The following NUP214 variants were observed in gnomAD, a reference collection of about 807,000 sequenced individuals.
NUP214 encodes nucleoporin 214, also known as nuclear pore complex protein Nup214.
NUP214 carries 79 observed loss-of-function variants against 196.2 expected under a neutral mutation model. That is an observed-to-expected ratio of 0.40 (90% CI 0.34 to 0.49). The LOEUF (loss-of-function observed/expected upper bound fraction) is 0.49. Among genes scored for constraint, NUP214 ranks in the 20% least tolerant of loss-of-function variants. The probability of loss-of-function intolerance (pLI) is 0.58; values close to 1 mark genes in which losing one functional copy is unlikely to be tolerated. For synonymous variants in NUP214, 1,020 were observed against 990.5 expected (o/e 1.03, Z -0.56); for missense variants, 2,468 against 2,539.0 (o/e 0.97, Z 0.60).
chr9:131,233,270 A>T (rs1016336651), intron 35 of NUP214, among the ~76,000 whole-genome samples, 184 bp from the exon 36 acceptor site: 1 of 152,134 alleles, frequency 6.6e-6, no homozygotes, highest in Non-Finnish European at 1.5e-5. Context: ...CGAGAGACAG[A>T]GGTTGCAGTG....
chr9:131,174,510 G>A lies in NUP214; in HGVS notation c.3157+192G>A, dbSNP rs193021629. ...GTTGCCCAGGCTGGAGTGTAATGGC[G>A]CGATCTAGGCTCACTGCAACATCCA... On this transcript the variant is annotated intron_variant, in intron 22 of 35. Coordinates refer to ENST00000359428, the MANE Select transcript of NUP214 (RefSeq NM_005085.4). 2.7e-3 allele frequency among the ~76,000 whole-genome samples: 374 copies of A among 139,280 alleles called. 4 individuals carry two copies. Among genetic ancestry groups the A allele is most frequent in the African/African-American group, 8.7e-3 (327 of 37,690 alleles). The allele number at this position is 139,280 out of a possible 152,430, so 91.4% of individuals were successfully genotyped here.
At position 131,197,794 on chromosome 9, in the gene NUP214, G is replaced by T. The variant is rs1252046381; in HGVS notation, c.4300G>T (p.Ala1434Ser). 4.3e-6 allele frequency: 7 copies of T among 1,613,974 alleles called. No homozygotes were observed. The highest frequency in any genetic ancestry group is 5.9e-6 in the Non-Finnish European group (7 of 1,180,040). Residue 1434 changes from alanine (A) to serine (S), a missense_variant, in exon 29 of 36, where the codon GCT becomes TCT. By Grantham distance (99) the Ala-to-Ser change is moderately conservative (BLOSUM62 1). Around this residue, in one of 5 missense-constraint regions of NUP214, gnomAD observed 1,801 missense variants for 1,779.4 expected, o/e 1.01. Coordinates refer to ENST00000359428, the MANE Select transcript of NUP214 (RefSeq NM_005085.4). ...CAGTTTTGGTGGGACATCTCTAAGT[G>T]CTGGCAAGACTAGTTTTTCATTTGG... The part of the protein sequence containing the change: ...VISFGGTSLS[A>S]GKTSFSFGSQ...
intron 26 of NUP214, among the ~76,000 whole-genome samples, chr9:131,189,653 TCTC>T (rs1383299311): frequency 6.6e-6 from 1 of 152,192 alleles, no homozygotes; most frequent in Non-Finnish European, 1.5e-5. Flanking sequence ...TCACGTAACT[TCTC>T]CTACACTCAC....
Position 131,197,369 on chromosome 9 carries a change from G to A in NUP214, c.3875G>A (p.Ser1292Asn), listed in dbSNP as rs753621638. ...ACCCCAGGAGAACCTGCCGCATCTA[G>A]CAGCAGACCTGTGGCACCTTCTGGA... ...NTTPGEPAAS[S>N]SRPVAPSGTA... The change falls in exon 29 of 36, where the codon AGC (serine) becomes AAC (asparagine). Residue 1292 changes from serine to asparagine, a missense_variant. Ser to Asn is a conservative substitution (Grantham distance 46, BLOSUM62 1). Transcript: ENST00000359428. 5 of 1,614,056 alleles carry A rather than the reference G, an allele frequency of 3.1e-6. No homozygotes were observed. In the East Asian group the frequency reaches 1.1e-4, roughly 36 times the overall value.
chr9:131,227,985 C>CGGGGG (rs369758441), intron 32 of NUP214, among the ~76,000 whole-genome samples, 175 bp from the exon 33 acceptor site: 6 of 13,278 alleles, frequency 4.5e-4, no homozygotes, highest in South Asian at 4.6e-3. Flanking sequence ...GATAGAAGGG[C>CGGGGG]GGGGGGGAGG....
chr9:131,196,472 G>A (rs749162396), intron 28 of NUP214, among the ~76,000 whole-genome samples: 2 of 152,136 alleles, frequency 1.3e-5, no homozygotes, highest in African/African-American at 4.8e-5. Flanking sequence ...CGTTACTCTT[G>A]TATTTATTAA....
At chr9:131,165,955 G>T (rs1413930591) in intron 21 of NUP214, among the ~76,000 whole-genome samples, 1 of 152,106 alleles carries the variant, frequency 6.6e-6, no homozygotes, top group African/African-American at 2.4e-5. Context: ...GGACTGAGGT[G>T]GGGGGTCATG....
At chr9:131,223,441 A>G (rs1834619559) in intron 32 of NUP214, among the ~76,000 whole-genome samples, 1 of 152,154 alleles carries the variant, frequency 6.6e-6, no homozygotes, top group African/African-American at 2.4e-5. Context: ...CTGGGACTAC[A>G]GGCATGAGCC....
At chr9:131,215,665 C>A (rs1309753282) in intron 31 of NUP214, among the ~76,000 whole-genome samples, 1 of 152,018 alleles carries the variant, frequency 6.6e-6, no homozygotes, top group Admixed American at 6.6e-5. Flanking sequence ...ATTGGAGTGA[C>A]TTGAAGTGAA....
intron 9 of NUP214, among the ~76,000 whole-genome samples, chr9:131,138,886 A>G (rs1831821046): frequency 1.3e-5 from 2 of 152,320 alleles, no homozygotes; most frequent in South Asian, 4.1e-4. Context: ...CCTGGCCCCA[A>G]TCCAAAATGT....
In NUP214 at chr9:131,183,137, T is replaced by C. The variant is rs192457075; in HGVS notation, c.3420-4152T>C. ...TCTTCTTCTGTCGCCAAGGCTGGAG[T>C]GCAGTGGTGCGATTTCAGCTCACTG... On this transcript the variant is annotated intron_variant, in intron 24 of 35. Coordinates refer to ENST00000359428, the MANE Select transcript of NUP214 (RefSeq NM_005085.4). 2.4e-3 allele frequency among the ~76,000 whole-genome samples: 359 copies of C among 152,324 alleles called. 4 individuals are homozygous for C. Among genetic ancestry groups the C allele is most frequent in the African/African-American group, 8.3e-3 (345 of 41,586 alleles).
chr9:131,139,368 G>A lies in NUP214; in HGVS notation c.1093G>A (p.Val365Ile), dbSNP rs1831840368. 3 of 1,604,940 alleles carry A rather than the reference G, an allele frequency of 1.9e-6. No individual in the cohort carries two copies. The highest frequency in any genetic ancestry group is 2.6e-6 in the Non-Finnish European group (3 of 1,176,226). ...DKSDDSLPMG[V>I]VVDYTNQVEI... ...GAGTGATGACTCCTTGCCCATGGGA[G>A]TTGTCGTAGACTATACAAACCAAGT... The change falls in exon 10 of 36, where the codon GTT becomes ATT. Residue 365 changes from valine to isoleucine, a missense_variant. Val to Ile is a conservative substitution (Grantham distance 29, BLOSUM62 3). Around this residue, in one of 5 missense-constraint regions of NUP214, gnomAD observed 1,801 missense variants for 1,779.4 expected, o/e 1.01. Coordinates refer to ENST00000359428, the MANE Select transcript of NUP214 (RefSeq NM_005085.4).
chr9:131,228,482 C>T (rs986058009), intron 33 of NUP214, 151 bp downstream of exon 33: 1 of 671,452 alleles, frequency 1.5e-6, no homozygotes, highest in African/African-American at 1.9e-5. Flanking sequence ...TCCTGTACCT[C>T]TCCAGGGTAA....
intron 3 of NUP214, among the ~76,000 whole-genome samples, chr9:131,129,002 TCTATTGTCTG>T (rs1831447742): frequency 6.6e-6 from 1 of 152,218 alleles, no homozygotes; most frequent in South Asian, 2.1e-4. Context: ...AAGATTTTAA[TCTATTGTCTG>T]CTATTTATTG....
chr9:131,137,699 G>A (rs372291196), intron 9 of NUP214, among the ~76,000 whole-genome samples: 33 of 151,970 alleles, frequency 2.2e-4, no homozygotes, highest in African/African-American at 7.2e-4. Flanking sequence ...GTAGGCATGC[G>A]CCAACACGCC....
At chr9:131,147,359 AAAAT>A in intron 13 of NUP214, 127 bp from the exon 14 acceptor site, 1 of 688,190 alleles carries the variant, frequency 1.5e-6, no homozygotes, top group Non-Finnish European at 2.5e-6. Flanking sequence ...ATCACTCTTT[AAAAT>A]AAATCATGAA....
intron 23 of NUP214, 55 bp from the exon 24 acceptor site, chr9:131,178,256 C>A: frequency 7.0e-7 from 1 of 1,427,418 alleles, no homozygotes; most frequent in Admixed American, 1.7e-5. Flanking sequence ...GTGGCTAGAA[C>A]TTTTTATCCT....
intron 14 of NUP214, among the ~76,000 whole-genome samples, chr9:131,148,799 C>G (rs1240066881): frequency 2.0e-5 from 3 of 152,168 alleles, no homozygotes; most frequent in Non-Finnish European, 4.4e-5. Context: ...CACACACGCA[C>G]ACACATACAG....
chr9:131,197,605 G>C lies in NUP214; in HGVS notation c.4111G>C (p.Gly1371Arg), dbSNP rs1304604870. The C allele has an allele frequency of 6.2e-6, 10 of 1,614,040 alleles. No individual in the cohort carries two copies. Among genetic ancestry groups the C allele is most frequent in the Non-Finnish European group, 8.5e-6 (10 of 1,180,032 alleles). ...QPTKTSGVPS[G>R]FNFTAPPVLG... is the part of the protein sequence containing the mutation. Reference sequence around the variant, plus strand: ...AACCAAGACGTCAGGCGTGCCCTCAGGGTTTAATTTTACTGCCCCCCCGGT... The same window carrying C: ...AACCAAGACGTCAGGCGTGCCCTCACGGTTTAATTTTACTGCCCCCCCGGT... Residue 1371 changes from glycine (G) to arginine (R), a missense_variant, in exon 29 of 36, where the codon GGG (glycine) becomes CGG (arginine). Physicochemically the swap from Gly to Arg is moderately radical, Grantham distance 125 (BLOSUM62 -2). Transcript: ENST00000359428.
Sources: gnomAD v4.1 joint callset for allele counts (sites outside exome capture counted in the v4.1 genomes callset) on GRCh38, gnomAD v4.1.1 for gene constraint, gnomAD v4.1.1 regional missense constraint, MANE v1.5 for transcripts, NCBI Gene and HGNC (gene_info 2026-07-23, HGNC 2026-07-21) for gene names.